Variants in FCHO1 observed in about 807,000 individuals in gnomAD.
FCHO1 encodes FCH and mu domain containing endocytic adaptor 1.
FCHO1 carries 45 observed loss-of-function variants against 114.4 expected under a neutral mutation model. The observed-to-expected ratio is 0.39, with a 90% CI of 0.31 to 0.50. The LOEUF is 0.50. Ranked by LOEUF, FCHO1 falls within the 20% of genes least tolerant of loss-of-function variation. The probability of loss-of-function intolerance (pLI) is 0.77; values close to 1 mark genes in which losing one functional copy is unlikely to be tolerated. For missense variants in FCHO1, 1,042 were observed against 1,209.6 expected, an observed-to-expected ratio of 0.86 and a Z score of 2.06; for synonymous variants, 480 against 488.9, an observed-to-expected ratio of 0.98 and a Z score of 0.24.
rs2092640471 is a variant in FCHO1, at chr19:17,776,433, G to C, written c.1207+162G>C. 6.6e-6 allele frequency among the ~76,000 whole-genome samples: 1 copy of C among 152,176 alleles called. No individual in the cohort carries two copies. Among genetic ancestry groups the C allele is most frequent in the South Asian group, 2.1e-4 (1 of 4,834 alleles). On this transcript the variant is annotated intron_variant, in intron 17 of 28. Coordinates refer to ENST00000596536, the MANE Select transcript of FCHO1 (RefSeq NM_015122.3). The surrounding 1 kb of genome is among the most constrained non-coding windows in gnomAD (Gnocchi z 4.4). ...AAATGAGGTCATTATGAAATTAAGT[G>C]AGAGCTGAAAGGGGTAGCTGGGGCC...
intron 7 of FCHO1, among the ~76,000 whole-genome samples, chr19:17,769,029 A>G (rs998754651): frequency 1.3e-5 from 2 of 151,880 alleles, no homozygotes; most frequent in Non-Finnish European, 2.9e-5. Flanking sequence ...TAATCCCAGC[A>G]CTTTGGGAGG....
intron 7 of FCHO1, among the ~76,000 whole-genome samples, chr19:17,769,001 C>A (rs574138874): frequency 3.3e-5 from 5 of 150,578 alleles, no homozygotes; most frequent in African/African-American, 1.2e-4. Flanking sequence ...AAAAGCTGGG[C>A]ACAGTGACTT....
chr19:17,776,906 T>C lies in FCHO1; in HGVS notation c.1259+220T>C, dbSNP rs542559456. Among the ~76,000 whole-genome samples the C allele has an allele frequency of 6.6e-6, 1 of 152,224 alleles. No homozygotes were observed. The highest frequency in any genetic ancestry group is 2.4e-5 in the African/African-American group (1 of 41,546). On this transcript the variant is annotated intron_variant, in intron 18 of 28. Transcript: ENST00000596536. The surrounding 1 kb of genome is among the most constrained non-coding windows in gnomAD (Gnocchi z 4.4). ...TCCACCTCCTGAGTTCAAGCGATTT[T>C]CATGCCTCAGCCTCCTAAGTAGCTG... is the stretch of plus-strand genomic sequence containing the variant.
chr19:17,750,822 C>CTTT (rs1326515643), upstream of FCHO1, among the ~76,000 whole-genome samples: 6 of 143,782 alleles, frequency 4.2e-5, no homozygotes, highest in African/African-American at 1.0e-4. Flanking sequence ...CTTCCCCTTT[C>CTTT]TTTTCTTTTT....
intron 19 of FCHO1, 143 bp from the exon 20 acceptor site, chr19:17,778,466 A>C: frequency 1.0e-6 from 1 of 962,666 alleles, no homozygotes; most frequent in Non-Finnish European, 1.5e-6. Flanking sequence ...AGTCACCAGA[A>C]GGTGTAGCCT....
chr19:17,781,825 C>T lies in FCHO1; in HGVS notation c.1937+5C>T, dbSNP rs1305095483. On this transcript the variant is annotated splice_donor_5th_base_variant and intron_variant, in intron 23 of 28. Coordinates refer to ENST00000596536, the MANE Select transcript of FCHO1 (RefSeq NM_015122.3). ...CTTCCGTGGCCACAGCCCCAGGTAC[C>T]CAGTGATGGGCAGACAGGGCCCGTG... 1 of 1,571,660 alleles carries T rather than the reference C, an allele frequency of 6.4e-7. No individual in the cohort carries two copies.
At chr19:17,780,500 C>T (rs557145433) in intron 20 of FCHO1, among the ~76,000 whole-genome samples, 5 of 152,130 alleles carry the variant, frequency 3.3e-5, no homozygotes, top group East Asian at 1.9e-4. Flanking sequence ...CAAATTCTGC[C>T]CCCCCAGGGG....
intron 7 of FCHO1, among the ~76,000 whole-genome samples, 183 bp from the exon 8 acceptor site, chr19:17,770,242 A>G (rs1568342895): frequency 1.3e-5 from 2 of 152,142 alleles, no homozygotes; most frequent in African/African-American, 4.8e-5. Flanking sequence ...CAGAGATTGC[A>G]GTGAGTCGAG....
chr19:17,778,599 C>T lies in FCHO1; in HGVS notation c.1352-10C>T. The T allele has an allele frequency of 1.3e-6, 2 of 1,535,162 alleles. No individual in the cohort carries two copies. The highest frequency in any genetic ancestry group is 8.8e-7 in the Non-Finnish European group (1 of 1,138,170). On this transcript the variant is annotated splice_polypyrimidine_tract_variant and intron_variant, in intron 19 of 28. Coordinates refer to ENST00000596536, the MANE Select transcript of FCHO1 (RefSeq NM_015122.3). ...AGGGTCGGAGCTGACCGCCCGCTTC[C>T]CTCCCCAAGGCTCTAGCAGCCTGGG... is the stretch of plus-strand genomic sequence containing the variant.
In FCHO1 at chr19:17,766,663, C is replaced by T; in HGVS notation, c.195-6C>T. On this transcript the variant is annotated splice_region_variant and splice_polypyrimidine_tract_variant and intron_variant, in intron 6 of 28. Transcript: ENST00000596536. Reference sequence around the variant, plus strand: ...GAACCCTGGGTGTGACCTTGCCCGCCCCCAGGACCTTCGCCCCGCTCTGGG... The same window carrying T: ...GAACCCTGGGTGTGACCTTGCCCGCTCCCAGGACCTTCGCCCCGCTCTGGG... 6.2e-7 allele frequency: 1 copy of T among 1,614,058 alleles called. No homozygotes were observed. The highest frequency in any genetic ancestry group is 8.5e-7 in the Non-Finnish European group (1 of 1,180,020).
In FCHO1 at chr19:17,784,635, A is replaced by T. The variant is rs540949832; in HGVS notation, c.2227-90A>T. 2.4e-6 allele frequency: 3 copies of T among 1,258,034 alleles called. No homozygotes were observed. In the East Asian group the frequency reaches 7.0e-5, roughly 29 times the overall value. The allele number at this position is 1,258,034 out of a possible 1,614,324, so 77.9% of individuals were successfully genotyped here. Reference sequence around the variant, plus strand: ...TGGACCCCCTTGGGGCGGTGCGTGCATCGCAGGGTCAAGGTGGTTGAATAG... The same window carrying T: ...TGGACCCCCTTGGGGCGGTGCGTGCTTCGCAGGGTCAAGGTGGTTGAATAG... On this transcript the variant is annotated intron_variant, in intron 25 of 28. Transcript: ENST00000596536. This position sits in a 1 kb window ranked among gnomAD's most constrained non-coding sequence, Gnocchi z 5.3.
intron 20 of FCHO1, among the ~76,000 whole-genome samples, chr19:17,779,210 C>T (rs2093052896): frequency 6.6e-6 from 1 of 152,062 alleles, no homozygotes; most frequent in Non-Finnish European, 1.5e-5. Context: ...GCGCGCTAGG[C>T]CTGTCTGAAG....
At chr19:17,763,213 C>T (rs2087092379) in intron 5 of FCHO1, among the ~76,000 whole-genome samples, 1 of 150,510 alleles carries the variant, frequency 6.6e-6, no homozygotes, top group African/African-American at 2.4e-5. Context: ...CCTCCTACCT[C>T]AGCTCCCGAG....
In FCHO1 at chr19:17,770,909, C is replaced by CATCT; in HGVS notation, c.594+14_594+17dup. ...GGACTCAGCCCTGGTAAGAACCAGG[C>CATCT]ATCTGTACCTTTAAGACCCACACAT... On this transcript the variant is annotated intron_variant, in intron 9 of 28. Coordinates refer to ENST00000596536, the MANE Select transcript of FCHO1 (RefSeq NM_015122.3). The CATCT allele has an allele frequency of 1.2e-6, 2 of 1,605,466 alleles. No individual in the cohort carries two copies. The highest frequency in any genetic ancestry group is 1.7e-6 in the Non-Finnish European group (2 of 1,172,644).
Position 17,772,717 on chromosome 19 carries a change from A to G in FCHO1, c.766A>G (p.Lys256Glu), listed in dbSNP as rs2091897430. The change falls in exon 11 of 29, where the codon AAG (lysine) becomes GAG (glutamate). Residue 256 changes from lysine to glutamate, a missense_variant. Coordinates refer to ENST00000596536, the MANE Select transcript of FCHO1 (RefSeq NM_015122.3). ...EMLLRKFAES[K>E]GTGREKPGPL... The stretch of plus-strand genomic sequence containing the variant: ...GCTACTCAGGAAGTTTGCAGAGAGT[A>G]AGGGCACAGGCCGGGAGAAGCCTGG... 1.2e-6 allele frequency: 2 copies of G among 1,614,040 alleles called. No individual in the cohort carries two copies. Among genetic ancestry groups the G allele is most frequent in the Non-Finnish European group, 8.5e-7 (1 of 1,180,024 alleles).
chr19:17,766,842 G>A (rs376359634), intron 7 of FCHO1, 32 bp downstream of exon 7: 22 of 1,602,582 alleles, frequency 1.4e-5, no homozygotes, highest in East Asian at 2.2e-5. Flanking sequence ...CAGCGGCTGG[G>A]TGGGTGTGGA....
At chr19:17,755,316 G>A in intron 4 of FCHO1, 125 bp downstream of exon 4, 2 of 873,458 alleles carry the variant, frequency 2.3e-6, no homozygotes, top group Non-Finnish European at 1.8e-6. Flanking sequence ...AGGGATGGAA[G>A]TTAAAGTGGG....
chr19:17,781,382 G>T, intron 21 of FCHO1, 39 bp downstream of exon 21: 1 of 1,607,130 alleles, frequency 6.2e-7, no homozygotes, highest in Non-Finnish European at 8.5e-7. Context: ...ACTGGGGGTC[G>T]CGTCTGGGGT....
intron 23 of FCHO1, among the ~76,000 whole-genome samples, chr19:17,782,792 T>C (rs1391189191): frequency 6.6e-6 from 1 of 151,842 alleles, no homozygotes; most frequent in Non-Finnish European, 1.5e-5. Flanking sequence ...AAAAGAGAAC[T>C]AGGGATGGAG....
Sources: gnomAD v4.1 joint callset for allele counts (sites outside exome capture counted in the v4.1 genomes callset) on GRCh38, gnomAD v4.1.1 for gene constraint, Gnocchi (gnomAD v3.1) non-coding constraint, MANE v1.5 for transcripts, NCBI Gene and HGNC (gene_info 2026-07-23, HGNC 2026-07-21) for gene names.